The following EHMT1 variants were observed in gnomAD, a reference collection of about 807,000 sequenced individuals.
The protein encoded by EHMT1 is histone-lysine N-methyltransferase EHMT1.
In EHMT1, 15 loss-of-function variants were observed where a neutral mutation model predicts 147.2. The ratio of observed to expected loss-of-function variants is 0.10; its 90% CI spans 0.07 to 0.16. The LOEUF (loss-of-function observed/expected upper bound fraction) is 0.16. EHMT1 is among the 10% of genes least tolerant of loss of function. EHMT1 has a pLI of 1.00. For missense variants in EHMT1, 1,587 were observed against 1,772.4 expected (o/e 0.90, Z 1.88); for synonymous variants, 795 against 709.6 (o/e 1.12, Z -1.91).
At chr9:137,701,133 C>G (rs765951219) in intron 1 of EHMT1, among the ~76,000 whole-genome samples, 86 of 152,100 alleles carry the variant, frequency 5.7e-4, no homozygotes, top group Non-Finnish European at 1.1e-3. Context: ...AACGTCCGCC[C>G]CCATGATCCA....
chr9:137,799,011 G>A (rs569648412), intron 17 of EHMT1, 97 bp downstream of exon 17: 65 of 1,039,956 alleles, frequency 6.3e-5, no homozygotes, highest in African/African-American at 4.2e-4. Flanking sequence ...TCTCCATGGC[G>A]TCCCCTCCCA....
intron 25 of EHMT1, among the ~76,000 whole-genome samples, chr9:137,824,979 G>C (rs557981728): frequency 2.4e-3 from 369 of 152,266 alleles, no homozygotes; most frequent in Non-Finnish European, 4.5e-3. Context: ...CATAATGCTT[G>C]TTCTCTTCCC....
intron 8 of EHMT1, among the ~76,000 whole-genome samples, 157 bp from the exon 9 acceptor site, chr9:137,757,723 G>C (rs1436959539): frequency 1.3e-5 from 2 of 151,534 alleles, no homozygotes; most frequent in Non-Finnish European, 2.9e-5. Flanking sequence ...AGTGAAACTG[G>C]AATGGTCTAA....
chr9:137,753,971 T>A (rs534306945), intron 7 of EHMT1, among the ~76,000 whole-genome samples, 200 bp from the exon 8 acceptor site: 1 of 152,342 alleles, frequency 6.6e-6, no homozygotes, highest in South Asian at 2.1e-4. Flanking sequence ...CTAAAGGGAC[T>A]GAGCTGAGAG....
chr9:137,685,259 T>G (rs1942329739), intron 1 of EHMT1: 1 of 152,220 alleles, frequency 6.6e-6, no homozygotes, highest in African/African-American at 2.4e-5. Context: ...GTAACTTCTC[T>G]TATCTTCCTC....
intron 25 of EHMT1, among the ~76,000 whole-genome samples, chr9:137,822,703 A>G (rs927612230): frequency 1.6e-4 from 24 of 151,770 alleles, no homozygotes; most frequent in Non-Finnish European, 3.2e-4. Flanking sequence ...GACCAGCCTG[A>G]CCAACATGGT....
intron 2 of EHMT1, among the ~76,000 whole-genome samples, chr9:137,713,263 A>ATT (rs59459382): frequency 0.023 from 2,335 of 102,132 alleles, 53 homozygotes; most frequent in African/African-American, 0.03. Flanking sequence ...CACCATGCTA[A>ATT]TTTTTTTTTT....
At chr9:137,815,713 C>G in intron 22 of EHMT1, 1 of 555,858 alleles carries the variant, frequency 1.8e-6, no homozygotes, top group Non-Finnish European at 3.3e-6. Context: ...CCAGGCTGGG[C>G]CTAGGGGAGC....
At chr9:137,737,323 G>T (rs529155520) in intron 4 of EHMT1, among the ~76,000 whole-genome samples, 2 of 152,274 alleles carry the variant, frequency 1.3e-5, no homozygotes, top group South Asian at 4.1e-4. Flanking sequence ...TAGGCCAGTG[G>T]GCTAGAACAG....
chr9:137,770,292 T>C (rs1291686240), intron 10 of EHMT1, among the ~76,000 whole-genome samples: 1 of 152,252 alleles, frequency 6.6e-6, no homozygotes, highest in South Asian at 2.1e-4. Flanking sequence ...CCTTTAAAAT[T>C]ATTCACCAGT....
intron 16 of EHMT1, among the ~76,000 whole-genome samples, chr9:137,795,401 G>GCACACACACACACA (rs554055210): frequency 0.058 from 7,609 of 130,100 alleles, 274 homozygotes; most frequent in Non-Finnish European, 0.072. Flanking sequence ...ATCGCAGGGT[G>GCACACACACACACA]CACACACACA....
At chr9:137,772,454 C>T (rs1355238030) in intron 10 of EHMT1, among the ~76,000 whole-genome samples, 4 of 152,122 alleles carry the variant, frequency 2.6e-5, no homozygotes, top group Admixed American at 2.6e-4. Flanking sequence ...AGAGGGTGAC[C>T]CCTCACCTGC....
intron 1 of EHMT1, among the ~76,000 whole-genome samples, chr9:137,658,440 C>T (rs4979638): frequency 0.16 from 23,793 of 151,732 alleles, 2,216 homozygotes; most frequent in Admixed American, 0.3. Flanking sequence ...CGTGAGCCAC[C>T]GCACCCAGCG....
chr9:137,641,824 T>C (rs955741447), intron 1 of EHMT1, among the ~76,000 whole-genome samples: 2 of 151,452 alleles, frequency 1.3e-5, no homozygotes, highest in African/African-American at 4.9e-5. Context: ...AGGACTAAGA[T>C]CACATTTTTT....
At chr9:137,798,582 C>T (rs781093961) in intron 16 of EHMT1, among the ~76,000 whole-genome samples, 8 of 152,168 alleles carry the variant, frequency 5.3e-5, no homozygotes, top group African/African-American at 1.2e-4. Flanking sequence ...GAATCATTGA[C>T]GGTGTCTTCA....
At chr9:137,736,030 G>T (rs1297112894) in intron 4 of EHMT1, among the ~76,000 whole-genome samples, 2 of 152,254 alleles carry the variant, frequency 1.3e-5, no homozygotes, top group East Asian at 3.9e-4. Flanking sequence ...AAAAAAAACA[G>T]ATGATCCTAC....
chr9:137,812,892 C>T (rs971432908), intron 19 of EHMT1, 114 bp from the exon 20 acceptor site: 38 of 1,419,452 alleles, frequency 2.7e-5, no homozygotes, highest in Admixed American at 8.6e-5. Context: ...AGTTATCTCA[C>T]AGTGAATAGT....
intron 25 of EHMT1, among the ~76,000 whole-genome samples, chr9:137,825,357 C>T (rs2132975823): frequency 6.6e-6 from 1 of 152,348 alleles, no homozygotes; most frequent in Admixed American, 6.5e-5. Context: ...GCCACGCTGA[C>T]TTGCTTCCTG....
intron 25 of EHMT1, among the ~76,000 whole-genome samples, chr9:137,832,140 C>T (rs1588934266): frequency 6.6e-6 from 1 of 150,912 alleles, no homozygotes; most frequent in African/African-American, 2.4e-5. Flanking sequence ...AACCCCCCAA[C>T]CCCACGTGGC....
Sources: allele counts gnomAD v4.1 joint callset (sites outside exome capture counted in the v4.1 genomes callset), GRCh38; gene constraint gnomAD v4.1.1; transcripts MANE v1.5; gene names NCBI Gene and HGNC (gene_info 2026-07-23, HGNC 2026-07-21).